The following DNAH3 variants were observed in gnomAD, a reference collection of about 807,000 sequenced individuals.
The protein encoded by DNAH3 is axonemal beta dynein heavy chain 3.
In DNAH3, 332 loss-of-function variants were observed where a neutral mutation model predicts 432.5. That is an observed-to-expected ratio of 0.77 (90% CI 0.70 to 0.84). The LOEUF (loss-of-function observed/expected upper bound fraction) is 0.84. Among genes scored for constraint, DNAH3 ranks in the 40% least tolerant of loss-of-function variants. The pLI, the probability that DNAH3 is intolerant of heterozygous loss-of-function variation, is 0.00. For missense variants in DNAH3, 4,861 were observed against 5,114.0 expected, an observed-to-expected ratio of 0.95 and a Z score of 1.51; for synonymous variants, 1,956 against 1,900.2, an observed-to-expected ratio of 1.03 and a Z score of -0.76.
At chr16:21,149,229 AAAAAAAAAAAGAAAG>A (rs963460218) in intron 1 of DNAH3, among the ~76,000 whole-genome samples, 3 of 151,508 alleles carry the variant, frequency 2.0e-5, no homozygotes, top group African/African-American at 7.3e-5. Context: ...ACTGTCTCAA[AAAAAAAAAAAGAAAG>A]AAAGAAAAAG....
intron 48 of DNAH3, among the ~76,000 whole-genome samples, chr16:20,983,279 C>G (rs1173838108): frequency 6.6e-6 from 1 of 152,110 alleles, no homozygotes; most frequent in Non-Finnish European, 1.5e-5. Context: ...GCACCCACCA[C>G]CACTTCCAGC....
intron 24 of DNAH3, among the ~76,000 whole-genome samples, chr16:21,064,792 C>A (rs2090482125): frequency 6.6e-6 from 1 of 151,730 alleles, no homozygotes; most frequent in Non-Finnish European, 1.5e-5. Flanking sequence ...TGACTATCAA[C>A]AACATTCTCA....
At chr16:21,157,420 C>T (rs557454156) in intron 1 of DNAH3, among the ~76,000 whole-genome samples, 1 of 149,496 alleles carries the variant, frequency 6.7e-6, no homozygotes, top group Non-Finnish European at 1.5e-5. Flanking sequence ...ACTTCTACTT[C>T]CCAGGTTCAA....
chr16:20,949,314 C>T (rs770006413), intron 56 of DNAH3, among the ~76,000 whole-genome samples: 4 of 143,332 alleles, frequency 2.8e-5, no homozygotes, highest in South Asian at 2.3e-4. Flanking sequence ...GCAACAAGAG[C>T]GAAACTTCGT....
chr16:21,089,969 A>G (rs985893498), intron 18 of DNAH3, among the ~76,000 whole-genome samples: 7 of 152,132 alleles, frequency 4.6e-5, no homozygotes, highest in African/African-American at 1.7e-4. Flanking sequence ...CAAATTACCA[A>G]TATCAAAAAT....
chr16:20,962,345 C>T (rs1482869593), intron 53 of DNAH3, among the ~76,000 whole-genome samples: 4 of 152,118 alleles, frequency 2.6e-5, no homozygotes. Context: ...GTGGGTCTCA[C>T]CCCAAAGATT....
In DNAH3 at chr16:20,982,840, GA is replaced by G. The variant is rs1193449369; in HGVS notation, c.7739del (p.Phe2580SerfsTer4). On this transcript the variant is annotated frameshift_variant, in exon 49 of 62. Coordinates refer to ENST00000261383, the Ensembl canonical transcript of DNAH3. LOFTEE classifies it high-confidence loss of function. ...TCGTACAGCAATTGATCAGCGAAGG[GA>G]ACATCCGCAGGCGGTTCCTGAAGGC... 1 of 1,614,066 alleles carries G rather than the reference GA, an allele frequency of 6.2e-7. No homozygotes were observed. The highest frequency in any genetic ancestry group is 8.5e-7 in the Non-Finnish European group (1 of 1,180,048).
chr16:21,086,766 A>C, intron 19 of DNAH3, 83 bp downstream of exon 19: 1 of 1,207,062 alleles, frequency 8.3e-7, no homozygotes, highest in African/African-American at 1.5e-5. Context: ...AGCTTGACCT[A>C]GTAATGTTTC....
At chr16:21,146,186 A>G (rs1046508502) in intron 1 of DNAH3, 98 bp from the exon 3 acceptor site, 13 of 731,340 alleles carry the variant, frequency 1.8e-5, no homozygotes, top group Middle Eastern at 2.4e-4. Flanking sequence ...GAAAAGTTTT[A>G]GGTCCAGAGT....
At position 21,155,345 on chromosome 16, in the gene DNAH3, C is replaced by T. The variant is rs998500317; in HGVS notation, c.117+3980G>A. 6.3e-4 allele frequency among the ~76,000 whole-genome samples: 95 copies of T among 151,930 alleles called. 2 individuals are homozygous for T. Among genetic ancestry groups the T allele is most frequent in the Middle Eastern group, 3.4e-3 (1 of 290 alleles). ...TTCAGGTAAAAGAATGTTTTAGGGC[C>T]GGGAGCAGTGGCTCATGCCTGTAAT... On this transcript the variant is annotated intron_variant, in intron 1 of 61. Coordinates refer to ENST00000261383, the Ensembl canonical transcript of DNAH3.
chr16:20,969,086 CTGTG>C (rs56928155), intron 52 of DNAH3, among the ~76,000 whole-genome samples: 34,144 of 146,160 alleles, frequency 0.23, 4,028 homozygotes, highest in South Asian at 0.32. Context: ...TTTTCTTTCT[CTGTG>C]TGTGTGTGTG....
intron 57 of DNAH3, among the ~76,000 whole-genome samples, chr16:20,945,159 G>C (rs1042138577): frequency 2.0e-5 from 3 of 152,192 alleles, no homozygotes; most frequent in Admixed American, 6.5e-5. Context: ...AAAGAAGCCA[G>C]TCAAATATCC....
exon 11 of DNAH3, chr16:21,120,774 C>A (rs373703685): frequency 6.2e-7 from 1 of 1,614,164 alleles, no homozygotes; most frequent in Non-Finnish European, 8.5e-7. Flanking sequence ...GCATGCTGGG[C>A]TCTCCTGGCT....
intron 54 of DNAH3, among the ~76,000 whole-genome samples, chr16:20,955,747 G>A (rs1235950754): frequency 2.0e-5 from 3 of 151,972 alleles, no homozygotes; most frequent in Non-Finnish European, 4.4e-5. Flanking sequence ...AATGTGCCTT[G>A]AAAAATAGGG....
At chr16:20,944,846 G>A (rs2083974323) in intron 57 of DNAH3, among the ~76,000 whole-genome samples, 183 bp from the exon 58 acceptor site, 1 of 151,742 alleles carries the variant, frequency 6.6e-6, no homozygotes, top group South Asian at 2.1e-4. Context: ...CAGTTTTCTG[G>A]GGAGTGGGCA....
chr16:21,053,410 G>A (rs2090024829), intron 28 of DNAH3, among the ~76,000 whole-genome samples: 1 of 152,172 alleles, frequency 6.6e-6, no homozygotes, highest in South Asian at 2.1e-4. Context: ...AAGGGTTTGA[G>A]TTGGGGATGC....
chr16:21,021,002 C>T (rs1258512687), intron 40 of DNAH3, among the ~76,000 whole-genome samples: 1 of 152,188 alleles, frequency 6.6e-6, no homozygotes, highest in Non-Finnish European at 1.5e-5. Flanking sequence ...CATTTTGTGA[C>T]TGGCTTATTT....
intron 18 of DNAH3, among the ~76,000 whole-genome samples, chr16:21,087,669 A>T (rs1449987297): frequency 6.6e-6 from 1 of 152,234 alleles, no homozygotes; most frequent in Non-Finnish European, 1.5e-5. Flanking sequence ...AGGCTGAGGC[A>T]GGCAGATTGT....
At chr16:20,937,624 G>T (rs2083643634) in intron 59 of DNAH3, among the ~76,000 whole-genome samples, 1 of 150,216 alleles carries the variant, frequency 6.7e-6, no homozygotes, top group South Asian at 2.1e-4. Context: ...GATCTCCCAG[G>T]CTCAAGGAAT....
Sources: allele counts gnomAD v4.1 joint callset (sites outside exome capture counted in the v4.1 genomes callset), GRCh38; gene constraint gnomAD v4.1.1; transcripts MANE v1.5; gene names NCBI Gene and HGNC (gene_info 2026-07-23, HGNC 2026-07-21).